Variants in JAKMIP3 observed in about 807,000 individuals in gnomAD.
JAKMIP3 encodes the protein janus kinase and microtubule-interacting protein 3.
JAKMIP3 carries 58 observed loss-of-function variants against 118.5 expected under a neutral mutation model. The observed-to-expected ratio is 0.49, with a 90% confidence interval of 0.40 to 0.61. JAKMIP3 has a LOEUF of 0.61. JAKMIP3 is among the 20% of genes least tolerant of loss of function. The pLI is 0.00. For missense variants in JAKMIP3, 950 were observed against 1,109.0 expected, an observed-to-expected ratio of 0.86 and a Z score of 2.04; for synonymous variants, 486 against 451.2, an observed-to-expected ratio of 1.08 and a Z score of -0.98.
At chr10:132,171,640 ATTT>A (rs1428628358) in intron 23 of JAKMIP3, among the ~76,000 whole-genome samples, 163 of 134,464 alleles carry the variant, frequency 1.2e-3, no homozygotes, top group African/African-American at 4.6e-3. Flanking sequence ...TCCCTGTCTT[ATTT>A]TTTTCTTTCT....
chr10:132,180,746 C>CGTGCGT lies in JAKMIP3; in HGVS notation c.*1104-1610_*1104-1609insTGCGTG. 1.9e-4 allele frequency among the ~76,000 whole-genome samples: 2 copies of CGTGCGT among 10,746 alleles called. 1 individual carries two copies. Among genetic ancestry groups the CGTGCGT allele is most frequent in the African/African-American group, 5.8e-4 (2 of 3,460 alleles). 7.0% of individuals were successfully genotyped at this position (10,746 alleles called of 152,430 possible). A position where few individuals can be genotyped will look rare whatever the true frequency, so the allele number is the denominator to read the frequency against. ...GTGTGTGTGCGTGTGTGCGTGCGTG[C>CGTGCGT]GCGCGCGTGTGTGCGTGTGTGTGCG... On this transcript the variant is annotated intron_variant, in intron 23 of 23. Transcript: ENST00000684848.
At chr10:132,130,145 G>A (rs1205807642) in intron 3 of JAKMIP3, among the ~76,000 whole-genome samples, 1 of 152,142 alleles carries the variant, frequency 6.6e-6, no homozygotes, top group Non-Finnish European at 1.5e-5. Flanking sequence ...GGCTGAGGGA[G>A]GCTTGGCGGC....
At chr10:132,130,798 A>G (rs1263959807) in intron 3 of JAKMIP3, among the ~76,000 whole-genome samples, 4 of 152,122 alleles carry the variant, frequency 2.6e-5, no homozygotes, top group African/African-American at 9.7e-5. Flanking sequence ...ACTGTGGGGC[A>G]GTGGTGAGAT....
At position 132,112,043 on chromosome 10, in the gene JAKMIP3, G is replaced by T. The variant is rs112366734; in HGVS notation, c.136-5034G>T. ...AGGTGTTGGCAGGCGGGGGTAGAGC[G>T]TGCGGGTGGACGGTGCATGGGATGC... On this transcript the variant is annotated intron_variant, in intron 2 of 23. Transcript: ENST00000684848. This position sits in a 1 kb window ranked among gnomAD's most constrained non-coding sequence, Gnocchi z 4.3. Among the ~76,000 whole-genome samples, 1,542 of 152,188 alleles carry T rather than the reference G, an allele frequency of 0.01. 18 individuals are homozygous for T. Among genetic ancestry groups the T allele is most frequent in the African/African-American group, 0.034 (1,429 of 41,506 alleles).
intron 2 of JAKMIP3, among the ~76,000 whole-genome samples, chr10:132,109,077 C>CACACATATATATACACACACATAT (rs1382478674): frequency 7.3e-6 from 1 of 136,420 alleles, no homozygotes; most frequent in Non-Finnish European, 1.5e-5. Flanking sequence ...CACACATACA[C>CACACATATATATACACACACATAT]ATATATATAC....
intron 8 of JAKMIP3, 101 bp from the exon 9 acceptor site, chr10:132,138,018 T>G: frequency 1.8e-6 from 2 of 1,131,830 alleles, no homozygotes; most frequent in Non-Finnish European, 2.6e-6. Context: ...AGACACCGTC[T>G]TCCCTGTCAT....
intron 19 of JAKMIP3, among the ~76,000 whole-genome samples, chr10:132,155,439 C>T (rs2056976190): frequency 6.6e-6 from 1 of 152,224 alleles, no homozygotes; most frequent in East Asian, 1.9e-4. Context: ...GGCATCTCTC[C>T]TTCCTGCACT....
intron 22 of JAKMIP3, among the ~76,000 whole-genome samples, 168 bp from the exon 23 acceptor site, chr10:132,167,785 T>A: frequency 6.6e-6 from 1 of 150,574 alleles, no homozygotes; most frequent in Non-Finnish European, 1.5e-5. Flanking sequence ...TGACATCCTC[T>A]CCACGCAGCC....
rs9733613 is a variant in JAKMIP3, at chr10:132,167,856, A to G, written c.*23-97A>G. 2.6e-3 allele frequency: 888 copies of G among 338,432 alleles called. 4 individuals are homozygous for G. Among genetic ancestry groups the G allele is most frequent in the East Asian group, 4.3e-3 (11 of 2,562 alleles). 21.0% of individuals were successfully genotyped at this position (338,432 alleles called of 1,614,324 possible). ...CCTCGGCCCTCGCCCCTCGCCCCTCACCCCTCGGCCCTCGCCCCTCGCCCC... is the reference window on the plus strand; with the variant it reads ...CCTCGGCCCTCGCCCCTCGCCCCTCGCCCCTCGGCCCTCGCCCCTCGCCCC... On this transcript the variant is annotated intron_variant, in intron 22 of 23. Coordinates refer to ENST00000684848, the MANE Select transcript of JAKMIP3 (RefSeq NM_001323087.2).
At chr10:132,176,248 G>C (rs1417190703) in intron 23 of JAKMIP3, among the ~76,000 whole-genome samples, 3 of 152,226 alleles carry the variant, frequency 2.0e-5, no homozygotes, top group Admixed American at 2.0e-4. Flanking sequence ...AGCAGCTCCC[G>C]TGCAGCCTCC....
chr10:132,158,364 C>T (rs2057343909), intron 19 of JAKMIP3, among the ~76,000 whole-genome samples: 1 of 152,154 alleles, frequency 6.6e-6, no homozygotes. Context: ...TCAAACATCC[C>T]ATGGACACCC....
intron 3 of JAKMIP3, among the ~76,000 whole-genome samples, chr10:132,125,042 C>T (rs1385219517): frequency 1.3e-5 from 2 of 152,248 alleles, no homozygotes; most frequent in African/African-American, 4.8e-5. Flanking sequence ...ACCCAGTTGT[C>T]TTCCTCATGC....
At chr10:132,162,509 G>C (rs990862281) in intron 19 of JAKMIP3, among the ~76,000 whole-genome samples, 4 of 152,238 alleles carry the variant, frequency 2.6e-5, no homozygotes, top group Non-Finnish European at 4.4e-5. Context: ...CGAGCTGGTT[G>C]TGACAGCTGG....
chr10:132,114,397 AT>A (rs1001717265), intron 2 of JAKMIP3, among the ~76,000 whole-genome samples: 2 of 151,874 alleles, frequency 1.3e-5, no homozygotes, highest in African/African-American at 2.4e-5. Context: ...TAATTAATTT[AT>A]TTTTTTTGTA....
At chr10:132,124,949 A>G (rs1462024310) in intron 3 of JAKMIP3, among the ~76,000 whole-genome samples, 2 of 152,224 alleles carry the variant, frequency 1.3e-5, no homozygotes, top group Non-Finnish European at 2.9e-5. Context: ...CACCTTTCAT[A>G]AAACACCTGC....
In JAKMIP3 at chr10:132,055,597, C is replaced by T. The variant is rs189856208; in HGVS notation, c.-138+18859C>T. On this transcript the variant is annotated intron_variant, in intron 1 of 23. Coordinates refer to the JAKMIP3 transcript ENST00000657785. ...GATGGATGTGTGTGCGCAGTTTGCC[C>T]GCCGGCAAGCAGGGTTTGAGCCATA... Among the ~76,000 whole-genome samples, 114 of 152,260 alleles carry T rather than the reference C, an allele frequency of 7.5e-4. 2 individuals carry two copies. Among genetic ancestry groups the T allele is most frequent in the African/African-American group, 2.6e-3 (108 of 41,556 alleles).
chr10:132,079,160 A>G (rs199897429), intron 1 of JAKMIP3, among the ~76,000 whole-genome samples: 98,356 of 146,434 alleles, frequency 0.67, 33,115 homozygotes, highest in East Asian at 0.98. Flanking sequence ...CGGACGGCCC[A>G]GCCCCACAGC....
chr10:132,151,791 C>G (rs2056265299), intron 16 of JAKMIP3, among the ~76,000 whole-genome samples: 1 of 152,132 alleles, frequency 6.6e-6, no homozygotes, highest in Non-Finnish European at 1.5e-5. Flanking sequence ...CATGCAGCCT[C>G]TGAGGCCATT....
At chr10:132,104,112 G>A (rs972129342) in intron 1 of JAKMIP3, among the ~76,000 whole-genome samples, 1 of 151,944 alleles carries the variant, frequency 6.6e-6, no homozygotes, top group African/African-American at 2.4e-5. Context: ...TGCATTTTGT[G>A]TAGCCACTCA....
Sources: gnomAD v4.1 joint callset for allele counts (sites outside exome capture counted in the v4.1 genomes callset) on GRCh38, gnomAD v4.1.1 for gene constraint, Gnocchi (gnomAD v3.1) non-coding constraint, MANE v1.5 for transcripts, NCBI Gene and HGNC (gene_info 2026-07-23, HGNC 2026-07-21) for gene names.